FSTL4: variants seen among roughly 807,000 people sequenced by gnomAD.
FSTL4 encodes follistatin-related protein 4.
A neutral mutation model predicts 78.2 loss-of-function variants in FSTL4; 28 were observed. The observed-to-expected ratio is 0.36, with a 90% confidence interval of 0.27 to 0.49. The LOEUF (loss-of-function observed/expected upper bound fraction) is 0.49, where lower values mean the gene tolerates loss of function less well. Ranked by LOEUF, FSTL4 falls within the 20% of genes least tolerant of loss-of-function variation. The probability of loss-of-function intolerance (pLI) is 0.98; values close to 1 mark genes in which losing one functional copy is unlikely to be tolerated. For missense variants in FSTL4, 922 were observed against 1,084.9 expected (o/e 0.85, Z 2.11); for synonymous variants, 422 against 440.5 (o/e 0.96, Z 0.53).
the FSTL4 span, among the ~76,000 whole-genome samples, chr5:133,661,347 C>A: frequency 6.6e-6 from 1 of 152,304 alleles, no homozygotes; most frequent in East Asian, 1.9e-4. Context: ...CACCGAAGTG[C>A]TCTGAACTGC....
At chr5:133,461,452 C>A (rs1250071433) in intron 3 of FSTL4, among the ~76,000 whole-genome samples, 1 of 152,184 alleles carries the variant, frequency 6.6e-6, no homozygotes, top group East Asian at 1.9e-4. Context: ...CTCTACAGTG[C>A]AATCTCCCAG....
the FSTL4 span, among the ~76,000 whole-genome samples, chr5:133,756,423 G>C: frequency 8.8e-4 from 134 of 152,014 alleles, 1 homozygote; most frequent in African/African-American, 3.1e-3. Flanking sequence ...AGAGGGACCT[G>C]ATTTGACCCA....
chr5:133,754,655 G>A, the FSTL4 span, among the ~76,000 whole-genome samples: 2 of 152,178 alleles, frequency 1.3e-5, no homozygotes, highest in African/African-American at 4.8e-5. Flanking sequence ...AACCCACTAT[G>A]TCTGCATTCA....
chr5:133,809,610 A>G, the FSTL4 span, among the ~76,000 whole-genome samples: 1 of 108,602 alleles, frequency 9.2e-6, no homozygotes. Flanking sequence ...CCAAAAATGG[A>G]AAAAAAAAAA....
intron 8 of FSTL4, among the ~76,000 whole-genome samples, chr5:133,227,513 G>C (rs1183851623): frequency 1.3e-5 from 2 of 152,200 alleles, no homozygotes; most frequent in Admixed American, 6.5e-5. Flanking sequence ...TCGGAATTCA[G>C]TAACGCAGAG....
the FSTL4 span, among the ~76,000 whole-genome samples, chr5:133,763,245 T>A: frequency 6.6e-6 from 1 of 152,234 alleles, no homozygotes; most frequent in Non-Finnish European, 1.5e-5. Flanking sequence ...ACTGGCCATG[T>A]TTACCTACAA....
the FSTL4 span, among the ~76,000 whole-genome samples, chr5:133,757,611 G>A: frequency 6.6e-6 from 1 of 152,176 alleles, no homozygotes; most frequent in Non-Finnish European, 1.5e-5. Flanking sequence ...CCACCCTCAT[G>A]GAGCACTCGG....
chr5:133,670,653 G>T, the FSTL4 span, among the ~76,000 whole-genome samples: 941 of 152,370 alleles, frequency 6.2e-3, 3 homozygotes, highest in Non-Finnish European at 0.011. Context: ...CATGCTGAGG[G>T]TGTGGGAGAC....
At chr5:133,409,134 G>A (rs1045372001) in intron 3 of FSTL4, among the ~76,000 whole-genome samples, 5 of 152,070 alleles carry the variant, frequency 3.3e-5, no homozygotes, top group South Asian at 2.1e-4. Context: ...TATAAACTCC[G>A]CCTGGCTTCC....
chr5:133,324,359 C>G (rs1038652528), intron 4 of FSTL4, among the ~76,000 whole-genome samples: 2 of 152,242 alleles, frequency 1.3e-5, no homozygotes, highest in African/African-American at 4.8e-5. Flanking sequence ...AAGGCCCAAG[C>G]CTTGGATCCC....
At chr5:133,221,954 G>A (rs1309512042) in intron 11 of FSTL4, among the ~76,000 whole-genome samples, 2 of 123,748 alleles carry the variant, frequency 1.6e-5, no homozygotes, top group African/African-American at 6.1e-5. Flanking sequence ...TGGTATGCTG[G>A]TTTAATGGAC....
intron 3 of FSTL4, among the ~76,000 whole-genome samples, chr5:133,512,514 C>A (rs1482256034): frequency 6.6e-6 from 1 of 152,130 alleles, no homozygotes; most frequent in African/African-American, 2.4e-5. Flanking sequence ...GTGGGTAATT[C>A]TTTAAAGAAT....
At chr5:133,700,616 G>A in the FSTL4 span, among the ~76,000 whole-genome samples, 2 of 152,234 alleles carry the variant, frequency 1.3e-5, no homozygotes, top group African/African-American at 2.4e-5. Context: ...GCAGCCCCAG[G>A]AATGATACCC....
intron 3 of FSTL4, among the ~76,000 whole-genome samples, chr5:133,483,958 T>TG (rs1758080391): frequency 6.6e-6 from 1 of 152,192 alleles, no homozygotes; most frequent in South Asian, 2.1e-4. Flanking sequence ...TGTCCACTCC[T>TG]GCTGTCTTTC....
At chr5:133,834,239 A>G in the FSTL4 span, among the ~76,000 whole-genome samples, 1 of 152,214 alleles carries the variant, frequency 6.6e-6, no homozygotes, top group South Asian at 2.1e-4. Context: ...TGGTTTTTCT[A>G]GAGCAATATG....
At chr5:133,517,760 T>C (rs192095325) in intron 3 of FSTL4, among the ~76,000 whole-genome samples, 277 of 151,578 alleles carry the variant, frequency 1.8e-3, no homozygotes, top group African/African-American at 6.2e-3. Context: ...AGAGTTGATG[T>C]TACCACTCAA....
chr5:133,260,857 T>C (rs912402335), intron 6 of FSTL4, among the ~76,000 whole-genome samples: 1 of 152,182 alleles, frequency 6.6e-6, no homozygotes, highest in Non-Finnish European at 1.5e-5. Flanking sequence ...TGGAAGAGCC[T>C]CATCCCTCTC....
intron 2 of FSTL4, among the ~76,000 whole-genome samples, chr5:133,579,425 A>G (rs1297478175): frequency 6.6e-6 from 1 of 152,142 alleles, no homozygotes; most frequent in African/African-American, 2.4e-5. Context: ...TGCGTTCCTC[A>G]TTCTGAGACG....
At chr5:133,780,902 C>T in the FSTL4 span, among the ~76,000 whole-genome samples, 3 of 152,142 alleles carry the variant, frequency 2.0e-5, no homozygotes, top group Non-Finnish European at 2.9e-5. Context: ...TGCAAGGTGG[C>T]GATCATTATC....
Sources: gnomAD v4.1 joint callset for allele counts (sites outside exome capture counted in the v4.1 genomes callset) on GRCh38, gnomAD v4.1.1 for gene constraint, MANE v1.5 for transcripts, NCBI Gene and HGNC (gene_info 2026-07-23, HGNC 2026-07-21) for gene names.